Variants in GRHL2 observed in about 807,000 individuals in gnomAD.
The protein encoded by GRHL2 is grainyhead-like protein 2 homolog.
In GRHL2, 21 loss-of-function variants were observed where a neutral mutation model predicts 83.8. That is an observed-to-expected ratio of 0.25 (90% CI 0.18 to 0.36). GRHL2 has a LOEUF of 0.36. Ranked by LOEUF, GRHL2 falls within the 10% of genes least tolerant of loss-of-function variation. GRHL2 has a pLI of 1.00. For synonymous variants in GRHL2, 280 were observed against 278.9 expected (o/e 1.00, Z -0.04); for missense variants, 623 against 781.8 (o/e 0.80, Z 2.42).
intron 4 of GRHL2, among the ~76,000 whole-genome samples, chr8:101,559,629 G>A (rs1811566391): frequency 6.6e-6 from 1 of 152,192 alleles, no homozygotes; most frequent in African/African-American, 2.4e-5. Context: ...GTGTGTGTAT[G>A]TGTGCATTCT....
At chr8:101,644,929 C>T (rs909514728) in intron 13 of GRHL2, among the ~76,000 whole-genome samples, 1 of 151,638 alleles carries the variant, frequency 6.6e-6, no homozygotes, top group Non-Finnish European at 1.5e-5. Context: ...CTCACTACAG[C>T]GTCTACCTGA....
Position 101,545,051 on chromosome 8 carries a change from G to A in GRHL2, c.216+1615G>A, listed in dbSNP as rs534681169. On this transcript the variant is annotated intron_variant, in intron 2 of 15. Coordinates refer to ENST00000646743, the MANE Select transcript of GRHL2 (RefSeq NM_024915.4). ...TCTTGGGGAGATGATTGAAAACAAA[G>A]CGAGGCTTTATCTAAGATGAAGAGC... Among the ~76,000 whole-genome samples the A allele has an allele frequency of 1.2e-3, 178 of 152,278 alleles. 1 individual carries two copies. The highest frequency in any genetic ancestry group is 4.1e-3 in the African/African-American group (170 of 41,540).
intron 5 of GRHL2, among the ~76,000 whole-genome samples, chr8:101,572,346 TC>T (rs1458681303): frequency 1.3e-5 from 2 of 152,238 alleles, no homozygotes; most frequent in African/African-American, 4.8e-5. Flanking sequence ...AGACACATAT[TC>T]TGGAATTTGC....
intron 7 of GRHL2, among the ~76,000 whole-genome samples, chr8:101,587,891 G>GT (rs1352306541): frequency 6.6e-6 from 1 of 152,164 alleles, no homozygotes; most frequent in African/African-American, 2.4e-5. Flanking sequence ...ATATGTCTTT[G>GT]TAACATCCAC....
intron 1 of GRHL2, among the ~76,000 whole-genome samples, chr8:101,513,070 C>G (rs1810496236): frequency 6.6e-6 from 1 of 152,100 alleles, no homozygotes; most frequent in Admixed American, 6.5e-5. Context: ...ATTTTTTTCC[C>G]CTTGTTTTCT....
chr8:101,543,228 C>T lies in GRHL2; in HGVS notation c.21-13C>T, dbSNP rs1018031449. ...CTCTGAAAATGAACCTCACATTTCT[C>T]TTGTTTTTACAGTAATAAAAGACTA... On this transcript the variant is annotated splice_polypyrimidine_tract_variant and intron_variant, in intron 1 of 15. Coordinates refer to ENST00000646743, the MANE Select transcript of GRHL2 (RefSeq NM_024915.4). The T allele has an allele frequency of 8.7e-6, 14 of 1,610,734 alleles. No individual in the cohort carries two copies. The highest frequency in any genetic ancestry group is 4.4e-5 in the South Asian group (4 of 91,022).
chr8:101,563,730 GT>G (rs200574939), intron 4 of GRHL2, among the ~76,000 whole-genome samples: 1 of 144,242 alleles, frequency 6.9e-6, no homozygotes, highest in African/African-American at 2.6e-5. Context: ...GTTTTTTTTT[GT>G]TTTTTTGTTT....
At chr8:101,602,327 C>T (rs1483161894) in intron 8 of GRHL2, among the ~76,000 whole-genome samples, 1 of 152,224 alleles carries the variant, frequency 6.6e-6, no homozygotes, top group Non-Finnish European at 1.5e-5. Context: ...TTGTGATGTT[C>T]ATGTTGTGGA....
At chr8:101,664,986 GAAC>G (rs1189759450) in intron 15 of GRHL2, among the ~76,000 whole-genome samples, 2 of 152,152 alleles carry the variant, frequency 1.3e-5, no homozygotes, top group African/African-American at 4.8e-5. Flanking sequence ...TCATTGTTAA[GAAC>G]AACAGGTCAT....
At chr8:101,645,579 A>T (rs1813496205) in intron 13 of GRHL2, among the ~76,000 whole-genome samples, 1 of 152,012 alleles carries the variant, frequency 6.6e-6, no homozygotes, top group Admixed American at 6.6e-5. Flanking sequence ...GACCTTGGAG[A>T]GGTTCCTCAC....
chr8:101,521,528 A>C (rs188406402), intron 1 of GRHL2, among the ~76,000 whole-genome samples: 7 of 152,032 alleles, frequency 4.6e-5, no homozygotes, highest in African/African-American at 1.7e-4. Context: ...CTGCAGTTGT[A>C]TATTCTTCTG....
intron 13 of GRHL2, among the ~76,000 whole-genome samples, chr8:101,645,829 G>C (rs1299327752): frequency 6.6e-6 from 1 of 152,142 alleles, no homozygotes; most frequent in African/African-American, 2.4e-5. Context: ...CAGCATAAAT[G>C]CATAAATGCT....
At chr8:101,591,259 TCAGCAGCC>T (rs766237460) in intron 7 of GRHL2, among the ~76,000 whole-genome samples, 63 of 152,236 alleles carry the variant, frequency 4.1e-4, no homozygotes, top group Non-Finnish European at 7.2e-4. Context: ...TCACACATCC[TCAGCAGCC>T]CTTTGCAGAA....
chr8:101,652,560 GGTGGTGTGTGT>G (rs1264594651), intron 14 of GRHL2, among the ~76,000 whole-genome samples: 3 of 53,302 alleles, frequency 5.6e-5, no homozygotes, highest in African/African-American at 2.1e-4. Context: ...GTGTATGTGT[GGTGGTGTGTGT>G]GTGGTGTGTG....
chr8:101,589,238 G>C (rs766295657), intron 7 of GRHL2, among the ~76,000 whole-genome samples: 57 of 152,150 alleles, frequency 3.7e-4, no homozygotes, highest in Admixed American at 1.0e-3. Flanking sequence ...AAACTGCCAG[G>C]TACTTTTGTG....
downstream of GRHL2, among the ~76,000 whole-genome samples, chr8:101,671,595 G>A (rs1814211092): frequency 6.6e-6 from 1 of 152,200 alleles, no homozygotes; most frequent in Non-Finnish European, 1.5e-5. Context: ...GCCTCTGTAG[G>A]CTCCACCTCT....
rs186621111 is a variant in GRHL2, at chr8:101,661,089, C to T, written c.1699-3365C>T. On this transcript the variant is annotated intron_variant, in intron 14 of 15. Coordinates refer to ENST00000646743, the MANE Select transcript of GRHL2 (RefSeq NM_024915.4). ...TGGGCCAAGATAGCTTTGAATATGGCCCAACACAAATTCGTAAACTTTCTT... is the reference window on the plus strand; with the variant it reads ...TGGGCCAAGATAGCTTTGAATATGGTCCAACACAAATTCGTAAACTTTCTT... Among the ~76,000 whole-genome samples, 203 of 152,272 alleles carry T rather than the reference C, an allele frequency of 1.3e-3. 1 individual carries two copies. Among genetic ancestry groups the T allele is most frequent in the African/African-American group, 4.7e-3 (196 of 41,558 alleles).
chr8:101,529,688 T>C (rs192428116), intron 1 of GRHL2: 28 of 154,772 alleles, frequency 1.8e-4, no homozygotes, highest in Middle Eastern at 8.7e-4. Context: ...TTTGCTCATC[T>C]TGGGGCTTCT....
intron 9 of GRHL2, among the ~76,000 whole-genome samples, chr8:101,624,570 C>T (rs1428127902): frequency 6.6e-6 from 1 of 151,300 alleles, no homozygotes; most frequent in Non-Finnish European, 1.5e-5. Flanking sequence ...TAGGACAGTA[C>T]ACAGTAGAAC....
Sources: gnomAD v4.1 joint callset for allele counts (sites outside exome capture counted in the v4.1 genomes callset) on GRCh38, gnomAD v4.1.1 for gene constraint, MANE v1.5 for transcripts, NCBI Gene and HGNC (gene_info 2026-07-23, HGNC 2026-07-21) for gene names.